Variants in CCDC15 observed in about 807,000 individuals in gnomAD.
CCDC15 encodes the protein coiled-coil domain-containing protein 15.
Under a neutral mutation model 114.5 loss-of-function variants are expected in CCDC15, and 105 were observed. That is an observed-to-expected ratio of 0.92 (90% CI 0.78 to 1.08). The LOEUF (loss-of-function observed/expected upper bound fraction) is 1.08, where lower values mean the gene tolerates loss of function less well. Ranked by LOEUF, CCDC15 falls within the 50% of genes least tolerant of loss-of-function variation. CCDC15 has a pLI of 0.00. For missense variants in CCDC15, 1,105 were observed against 1,093.6 expected, an observed-to-expected ratio of 1.01 and a Z score of -0.15; for synonymous variants, 334 against 377.8, an observed-to-expected ratio of 0.88 and a Z score of 1.34.
intron 11 of CCDC15, among the ~76,000 whole-genome samples, chr11:124,994,990 TAG>T (rs1948339338): frequency 6.6e-6 from 1 of 152,132 alleles, no homozygotes; most frequent in Non-Finnish European, 1.5e-5. Flanking sequence ...AAGCAGAAAA[TAG>T]AGTTTGGGCT....
At chr11:124,975,365 C>G (rs1350585717) in intron 5 of CCDC15, among the ~76,000 whole-genome samples, 156 bp downstream of exon 5, 2 of 152,046 alleles carry the variant, frequency 1.3e-5, no homozygotes, top group Non-Finnish European at 2.9e-5. Context: ...GTGACATATC[C>G]ATATGCAGCC....
At chr11:125,013,248 G>A (rs1281153421) in intron 13 of CCDC15, among the ~76,000 whole-genome samples, 2 of 152,148 alleles carry the variant, frequency 1.3e-5, no homozygotes, top group African/African-American at 4.8e-5. Flanking sequence ...AGGATGAATT[G>A]AAGTTTGCCA....
chr11:125,026,227 T>C (rs887256389), intron 13 of CCDC15, among the ~76,000 whole-genome samples: 1 of 152,202 alleles, frequency 6.6e-6, no homozygotes, highest in African/African-American at 2.4e-5. Flanking sequence ...TGAGGTTTGC[T>C]GAAACTGAAG....
intron 2 of CCDC15, 63 bp downstream of exon 2, chr11:124,954,972 T>G: frequency 1.3e-5 from 19 of 1,434,132 alleles, no homozygotes; most frequent in Non-Finnish European, 1.7e-5. Flanking sequence ...TAGCCTTCTC[T>G]AATCCTGGGT....
At chr11:124,976,439 A>G (rs1947974671) in intron 5 of CCDC15, among the ~76,000 whole-genome samples, 1 of 151,996 alleles carries the variant, frequency 6.6e-6, no homozygotes, top group Admixed American at 6.6e-5. Flanking sequence ...GTGCGTTTAT[A>G]TGGTTGTCTT....
At position 124,985,139 on chromosome 11, in the gene CCDC15, A is replaced by G. The variant is rs1333080432; in HGVS notation, c.754-1603A>G. On this transcript the variant is annotated intron_variant, in intron 6 of 15. Coordinates refer to ENST00000344762, the MANE Select transcript of CCDC15 (RefSeq NM_025004.3). Reference sequence around the variant, plus strand: ...TTTTGTGACTGTTTTTTCTCTTTGCATAATGTTTTAAAGTTCATCCACATT... The same window carrying G: ...TTTTGTGACTGTTTTTTCTCTTTGCGTAATGTTTTAAAGTTCATCCACATT... Among the ~76,000 whole-genome samples the G allele has an allele frequency of 4.6e-5, 7 of 152,316 alleles. No homozygotes were observed. The East Asian group carries it at 7.7e-4, about 17-fold the overall frequency.
At chr11:125,035,463 T>G (rs1299424106) in intron 13 of CCDC15, among the ~76,000 whole-genome samples, 1 of 151,774 alleles carries the variant, frequency 6.6e-6, no homozygotes, top group Non-Finnish European at 1.5e-5. Context: ...AGCCTATATG[T>G]GTCTTTGTAG....
chr11:125,015,694 A>T (rs1170635644), intron 13 of CCDC15, among the ~76,000 whole-genome samples: 1 of 152,234 alleles, frequency 6.6e-6, no homozygotes, highest in Non-Finnish European at 1.5e-5. Context: ...TTTTACATAA[A>T]TTCTTCCAGA....
intron 11 of CCDC15, among the ~76,000 whole-genome samples, chr11:124,997,152 G>A: frequency 6.6e-6 from 1 of 152,104 alleles, no homozygotes. Context: ...GTTGTTTCCT[G>A]TTTGTAGCTA....
At chr11:125,005,993 A>G (rs1948548879) in intron 13 of CCDC15, among the ~76,000 whole-genome samples, 1 of 152,198 alleles carries the variant, frequency 6.6e-6, no homozygotes, top group Non-Finnish European at 1.5e-5. Context: ...TGCTGCCAAT[A>G]TTTAGCAATT....
At chr11:125,039,111 GA>G in intron 15 of CCDC15, 42 bp downstream of exon 15, 1 of 1,514,494 alleles carries the variant, frequency 6.6e-7, no homozygotes. Flanking sequence ...ATGGCAACAA[GA>G]AAAATAAATA....
intron 13 of CCDC15, among the ~76,000 whole-genome samples, chr11:125,011,245 A>ATTTTTTTT (rs774447198): frequency 9.6e-5 from 14 of 146,438 alleles, no homozygotes; most frequent in African/African-American, 3.0e-4. Flanking sequence ...TATTATTATT[A>ATTTTTTTT]TTATTTTTTA....
In CCDC15 at chr11:125,040,872, G is replaced by A; in HGVS notation, c.*161G>A. ...TAATCATTGTTTTAATCTCTGTCTG[G>A]GAACCAAGATTGAAAGCTGACTTAC... On this transcript the variant is annotated 3_prime_UTR_variant, in exon 16 of 16. Transcript: ENST00000344762. The A allele has an allele frequency of 1.5e-6, 1 of 685,012 alleles. No homozygotes were observed. The allele number at this position is 685,012 out of a possible 1,614,324, so 42.4% of individuals were successfully genotyped here.
chr11:125,023,030 T>C (rs146045992), intron 13 of CCDC15, among the ~76,000 whole-genome samples: 6 of 152,080 alleles, frequency 3.9e-5, no homozygotes, highest in Admixed American at 2.0e-4. Flanking sequence ...GATGAATTTC[T>C]GCTTTTCAGT....
chr11:125,020,640 C>T (rs1948654925), intron 13 of CCDC15, among the ~76,000 whole-genome samples: 1 of 151,902 alleles, frequency 6.6e-6, no homozygotes, highest in South Asian at 2.1e-4. Context: ...TTGGCATAGC[C>T]AGAGAATCAC....
At chr11:125,039,650 A>G (rs913016011) in intron 15 of CCDC15, 2 of 152,208 alleles carry the variant, frequency 1.3e-5, no homozygotes, top group Non-Finnish European at 2.9e-5. Flanking sequence ...TACTGCCAGT[A>G]TATATATTCC....
chr11:125,025,146 GTGAGTATATATA>G (rs1030902848), intron 13 of CCDC15, among the ~76,000 whole-genome samples: 16 of 142,758 alleles, frequency 1.1e-4, no homozygotes, highest in African/African-American at 1.6e-4. Context: ...ATGAATATAT[GTGAGTATATATA>G]TGAGTATATA....
intron 13 of CCDC15, among the ~76,000 whole-genome samples, chr11:125,033,332 G>C (rs1184347689): frequency 1.3e-5 from 2 of 152,176 alleles, no homozygotes; most frequent in African/African-American, 4.8e-5. Flanking sequence ...CTTTGCCTCT[G>C]CTGTCCATTA....
intron 13 of CCDC15, among the ~76,000 whole-genome samples, chr11:125,027,171 G>T (rs1948709161): frequency 6.6e-6 from 1 of 151,960 alleles, no homozygotes; most frequent in African/African-American, 2.4e-5. Context: ...CCATATTTTT[G>T]CAGTTGTGAA....
Sources: allele counts gnomAD v4.1 joint callset (sites outside exome capture counted in the v4.1 genomes callset), GRCh38; gene constraint gnomAD v4.1.1; transcripts MANE v1.5; gene names NCBI Gene and HGNC (gene_info 2026-07-23, HGNC 2026-07-21).